Variants in CDKAL1 observed in about 807,000 individuals in gnomAD.
CDKAL1 encodes the protein CDKAL1 threonylcarbamoyladenosine tRNA methylthiotransferase, also known as threonylcarbamoyladenosine tRNA methylthiotransferase.
Under a neutral mutation model 68.2 loss-of-function variants are expected in CDKAL1, and 32 were observed. The observed-to-expected ratio is 0.47, with a 90% CI of 0.35 to 0.63. The LOEUF is 0.63. CDKAL1 is among the 30% of genes least tolerant of loss of function. CDKAL1 has a pLI of 0.00. For synonymous variants in CDKAL1, 234 were observed against 244.3 expected (o/e 0.96, Z 0.39); for missense variants, 606 against 696.7 (o/e 0.87, Z 1.47).
chr6:21,092,457 T>C (rs1773092363), intron 12 of CDKAL1, among the ~76,000 whole-genome samples: 1 of 151,986 alleles, frequency 6.6e-6, no homozygotes, highest in Admixed American at 6.5e-5. Flanking sequence ...GTGTTGGTCC[T>C]CTCCCTGTGT....
chr6:20,679,186 G>A (rs895700285), intron 5 of CDKAL1, among the ~76,000 whole-genome samples: 2 of 152,146 alleles, frequency 1.3e-5, no homozygotes, highest in African/African-American at 4.8e-5. Context: ...CAAAGTGTTG[G>A]GATTATAGGC....
chr6:20,721,725 GTTTTTTTT>G (rs145893325), intron 5 of CDKAL1, among the ~76,000 whole-genome samples: 3 of 67,376 alleles, frequency 4.5e-5, no homozygotes, highest in South Asian at 6.6e-4. Context: ...ACCAACTTCT[GTTTTTTTT>G]TTTTTTTTTT....
chr6:21,170,675 A>T (rs1320229525), intron 13 of CDKAL1, among the ~76,000 whole-genome samples: 2 of 151,934 alleles, frequency 1.3e-5, no homozygotes, highest in African/African-American at 4.8e-5. Flanking sequence ...GTTTGGCATT[A>T]AAAAAAAGTC....
At chr6:20,599,443 A>C (rs1765987565) in intron 4 of CDKAL1, 1 of 434,574 alleles carries the variant, frequency 2.3e-6, no homozygotes, top group African/African-American at 2.0e-5. Context: ...TCTTTCTGGA[A>C]CTGTTTTTGT....
chr6:21,185,675 A>T (rs1266316790), intron 13 of CDKAL1, among the ~76,000 whole-genome samples: 1 of 152,170 alleles, frequency 6.6e-6, no homozygotes, highest in East Asian at 1.9e-4. Context: ...ATAGCAAATT[A>T]CTGGTTGCAA....
intron 9 of CDKAL1, among the ~76,000 whole-genome samples, chr6:20,905,461 A>G (rs888183247): frequency 5.9e-5 from 9 of 152,232 alleles, no homozygotes; most frequent in African/African-American, 1.4e-4. Context: ...ACCTTACACC[A>G]TGAAACAGAT....
At chr6:20,944,587 C>T (rs1377425027) in intron 9 of CDKAL1, among the ~76,000 whole-genome samples, 2 of 152,184 alleles carry the variant, frequency 1.3e-5, no homozygotes, top group African/African-American at 4.8e-5. Flanking sequence ...TCAAGTGATC[C>T]ACCCGCCACA....
At chr6:21,065,294 T>A in intron 12 of CDKAL1, 66 bp downstream of exon 12, 2 of 1,209,982 alleles carry the variant, frequency 1.7e-6, no homozygotes, top group Non-Finnish European at 2.4e-6. Flanking sequence ...CTGTGTTGCC[T>A]ACCTTCACAC....
intron 11 of CDKAL1, among the ~76,000 whole-genome samples, chr6:21,062,864 T>C (rs1051936440): frequency 8.6e-5 from 13 of 151,976 alleles, no homozygotes; most frequent in African/African-American, 2.9e-4. Context: ...CTCATATATC[T>C]TAATTTGATA....
At position 21,003,371 on chromosome 6, in the gene CDKAL1, T is replaced by TATATATATACAC; in HGVS notation, c.1055+3000_1055+3001insTATATATACACA. ...ATATATATATATATATATATATATATACACACACACACACACACATATATA... is the reference window on the plus strand; with the variant it reads ...ATATATATATATATATATATATATATATATATATACACACACACACACACACACACATATATA... On this transcript the variant is annotated intron_variant, in intron 11 of 15. Coordinates refer to ENST00000274695, the MANE Select transcript of CDKAL1 (RefSeq NM_017774.3). Among the ~76,000 whole-genome samples the TATATATATACAC allele has an allele frequency of 4.2e-3, 206 of 49,256 alleles. 15 individuals are homozygous for TATATATATACAC. In the East Asian group the frequency reaches 0.048, roughly 12 times the overall value. 32.3% of individuals were successfully genotyped at this position (49,256 alleles called of 152,430 possible). A position where few individuals can be genotyped will look rare whatever the true frequency, so the allele number is the denominator to read the frequency against.
intron 5 of CDKAL1, among the ~76,000 whole-genome samples, chr6:20,733,229 A>G (rs147932069): frequency 4.1e-4 from 63 of 152,310 alleles, no homozygotes; most frequent in Middle Eastern, 3.4e-3. Flanking sequence ...TGTCCTTGCC[A>G]TCTCCACATC....
At chr6:20,960,531 A>G (rs1315667181) in intron 10 of CDKAL1, among the ~76,000 whole-genome samples, 2 of 152,208 alleles carry the variant, frequency 1.3e-5, no homozygotes, top group African/African-American at 4.8e-5. Flanking sequence ...TTACTTATTT[A>G]TGTAGAAATC....
intron 12 of CDKAL1, among the ~76,000 whole-genome samples, chr6:21,077,194 TC>T (rs1194582409): frequency 6.6e-6 from 1 of 152,220 alleles, no homozygotes; most frequent in Admixed American, 6.5e-5. Context: ...AAATATGTTA[TC>T]TACATTTCCC....
At chr6:20,761,114 T>C (rs917735504) in intron 7 of CDKAL1, among the ~76,000 whole-genome samples, 58 of 152,262 alleles carry the variant, frequency 3.8e-4, no homozygotes, top group African/African-American at 1.3e-3. Flanking sequence ...AACAGACAAT[T>C]TACTAAAGAA....
intron 4 of CDKAL1, among the ~76,000 whole-genome samples, chr6:20,576,194 A>G (rs1198740561): frequency 1.3e-5 from 2 of 152,234 alleles, no homozygotes; most frequent in Admixed American, 6.5e-5. Context: ...GAGTTATGTC[A>G]TACATGTAAA....
intron 4 of CDKAL1, among the ~76,000 whole-genome samples, chr6:20,564,562 A>G (rs767778539): frequency 6.6e-6 from 1 of 152,168 alleles, no homozygotes; most frequent in Non-Finnish European, 1.5e-5. Context: ...TTATTTTGAA[A>G]TGGTTTGGAA....
At chr6:20,980,242 T>TATATAGAC (rs1561933143) in intron 10 of CDKAL1, among the ~76,000 whole-genome samples, 65 of 152,124 alleles carry the variant, frequency 4.3e-4, no homozygotes, top group African/African-American at 1.4e-3. Context: ...GATATATAGA[T>TATATAGAC]ATAGATTTTT....
At chr6:20,672,457 C>T (rs111435482) in intron 5 of CDKAL1, among the ~76,000 whole-genome samples, 7 of 151,846 alleles carry the variant, frequency 4.6e-5, no homozygotes, top group East Asian at 1.9e-4. Context: ...CAGATTCAAG[C>T]GATTCATGTG....
At chr6:20,655,651 C>G (rs1003216359) in intron 5 of CDKAL1, among the ~76,000 whole-genome samples, 1 of 152,120 alleles carries the variant, frequency 6.6e-6, no homozygotes, top group African/African-American at 2.4e-5. Context: ...TAAACTAATG[C>G]TTGGTGACCT....
Sources: gnomAD v4.1 joint callset for allele counts (sites outside exome capture counted in the v4.1 genomes callset) on GRCh38, gnomAD v4.1.1 for gene constraint, MANE v1.5 for transcripts, NCBI Gene and HGNC (gene_info 2026-07-23, HGNC 2026-07-21) for gene names.